STK32A: variants seen among roughly 807,000 people sequenced by gnomAD.
STK32A encodes the protein serine/threonine-protein kinase 32A.
In STK32A, 41 loss-of-function variants were observed where a neutral mutation model predicts 53.2. The ratio of observed to expected loss-of-function variants is 0.77; its 90% CI spans 0.60 to 1.00. The LOEUF (loss-of-function observed/expected upper bound fraction) is 1.00. Among genes scored for constraint, STK32A ranks in the 50% least tolerant of loss-of-function variants. The pLI is 0.00. For synonymous variants in STK32A, 166 were observed against 162.8 expected, an observed-to-expected ratio of 1.02 and a Z score of -0.15; for missense variants, 458 against 485.8, an observed-to-expected ratio of 0.94 and a Z score of 0.54.
intron 2 of STK32A, among the ~76,000 whole-genome samples, chr5:147,245,627 T>G (rs1255760972): frequency 1.3e-5 from 2 of 152,200 alleles, no homozygotes; most frequent in African/African-American, 4.8e-5. Context: ...TATCCAAGTT[T>G]ATACAAAGAA....
chr5:147,313,422 GTC>G (rs1463831495), intron 4 of STK32A, among the ~76,000 whole-genome samples: 1 of 152,160 alleles, frequency 6.6e-6, no homozygotes, highest in Non-Finnish European at 1.5e-5. Context: ...AGTGAGAAAT[GTC>G]TCTATTTCCT....
intron 2 of STK32A, among the ~76,000 whole-genome samples, chr5:147,252,169 TTCA>T (rs952458658): frequency 1.3e-5 from 2 of 152,164 alleles, no homozygotes; most frequent in Admixed American, 1.3e-4. Context: ...AACAATTTAT[TTCA>T]TCATCATTGT....
chr5:147,397,893 G>GGA, the STK32A span: 5 of 1,511,394 alleles, frequency 3.3e-6, no homozygotes, highest in Non-Finnish European at 3.6e-6. Flanking sequence ...TAGAGAAAGA[G>GGA]GAACGTACCT....
chr5:147,276,843 A>AT (rs1261328949), intron 2 of STK32A, among the ~76,000 whole-genome samples: 1 of 152,064 alleles, frequency 6.6e-6, no homozygotes, highest in East Asian at 1.9e-4. Context: ...AGTCAGTCCA[A>AT]TTTTTTTCTT....
At chr5:147,264,252 A>G (rs753316768) in intron 2 of STK32A, among the ~76,000 whole-genome samples, 12 of 152,216 alleles carry the variant, frequency 7.9e-5, no homozygotes, top group Non-Finnish European at 1.6e-4. Flanking sequence ...CTATCCTTAA[A>G]GAGGCATGAA....
intron 5 of STK32A, among the ~76,000 whole-genome samples, chr5:147,326,979 A>G (rs1209970858): frequency 1.3e-5 from 2 of 152,140 alleles, no homozygotes; most frequent in Non-Finnish European, 2.9e-5. Context: ...TCAGCCTCCC[A>G]AAACTCTGGG....
chr5:147,300,315 A>C (rs1210165402), intron 4 of STK32A, among the ~76,000 whole-genome samples: 1 of 152,192 alleles, frequency 6.6e-6, no homozygotes, highest in African/African-American at 2.4e-5. Context: ...CTCAAACCCA[A>C]GAATCCTGAC....
the STK32A span, among the ~76,000 whole-genome samples, chr5:147,397,482 A>G: frequency 7.9e-5 from 12 of 152,332 alleles, 1 homozygote; most frequent in East Asian, 7.7e-4. Flanking sequence ...TCTTTGAACA[A>G]AAATTTTCAA....
At chr5:147,275,752 T>C (rs1210425540) in intron 2 of STK32A, among the ~76,000 whole-genome samples, 1 of 152,188 alleles carries the variant, frequency 6.6e-6, no homozygotes, top group Non-Finnish European at 1.5e-5. Context: ...ATAAATGAGA[T>C]GAATTGCTCT....
chr5:147,343,345 A>C (rs1461426005), intron 6 of STK32A: 1 of 520,596 alleles, frequency 1.9e-6, no homozygotes, highest in East Asian at 4.0e-5. Flanking sequence ...GCTGGCCTTA[A>C]TATAACACGC....
chr5:147,348,739 G>C (rs1387656440), intron 6 of STK32A: 1 of 771,070 alleles, frequency 1.3e-6, no homozygotes, highest in Non-Finnish European at 2.4e-6. Context: ...AGTTTCAGGA[G>C]ACCGAAGCCC....
intron 5 of STK32A, 110 bp downstream of exon 5, chr5:147,324,181 C>A: frequency 1.8e-6 from 2 of 1,126,544 alleles, no homozygotes. Context: ...CCGTTTAATT[C>A]TTGAAACAGT....
At chr5:147,260,211 TC>T (rs1435089002) in intron 2 of STK32A, among the ~76,000 whole-genome samples, 1 of 54,432 alleles carries the variant, frequency 1.8e-5, no homozygotes, top group African/African-American at 8.6e-5. Flanking sequence ...CCTCTCTCTC[TC>T]CTCTCTCTCT....
Position 147,383,881 on chromosome 5 carries a change from C to A in STK32A, c.1098-9C>A. The A allele has an allele frequency of 6.8e-7, 1 of 1,462,150 alleles. No homozygotes were observed. Among genetic ancestry groups the A allele is most frequent in the African/African-American group, 1.5e-5 (1 of 65,598 alleles). The allele number at this position is 1,462,150 out of a possible 1,614,324, so 90.6% of individuals were successfully genotyped here. On this transcript the variant is annotated splice_polypyrimidine_tract_variant and intron_variant, in intron 12 of 12. Transcript: ENST00000397936. ...AATAAAACATCTTTTTTTTTCTTTT[C>A]TTTTTAAGAGTAAACAGGGACTTTA...
At chr5:147,337,850 T>G (rs1755212840) in intron 5 of STK32A, among the ~76,000 whole-genome samples, 1 of 152,176 alleles carries the variant, frequency 6.6e-6, no homozygotes, top group African/African-American at 2.4e-5. Flanking sequence ...GTGATAGATA[T>G]GCCAGTTTGG....
chr5:147,397,550 C>T, the STK32A span: 1 of 1,131,620 alleles, frequency 8.8e-7, no homozygotes, highest in Middle Eastern at 2.5e-4. Context: ...AAGACTGTCA[C>T]TGAATTTCTC....
At chr5:147,337,969 T>C (rs1755219696) in intron 5 of STK32A, among the ~76,000 whole-genome samples, 1 of 152,112 alleles carries the variant, frequency 6.6e-6, no homozygotes, top group Non-Finnish European at 1.5e-5. Context: ...ATGAAAAGAT[T>C]ATTGGAGGCA....
chr5:147,255,805 C>T (rs926730221), intron 2 of STK32A, among the ~76,000 whole-genome samples: 1 of 152,162 alleles, frequency 6.6e-6, no homozygotes, highest in African/African-American at 2.4e-5. Flanking sequence ...TGTAGTTTAT[C>T]CAATCTACAT....
intron 11 of STK32A, among the ~76,000 whole-genome samples, chr5:147,379,936 C>T (rs945859130): frequency 6.6e-6 from 1 of 152,090 alleles, no homozygotes; most frequent in Non-Finnish European, 1.5e-5. Flanking sequence ...CTCTTTATGG[C>T]TACTCCTGTT....
Sources: allele counts gnomAD v4.1 joint callset (sites outside exome capture counted in the v4.1 genomes callset), GRCh38; gene constraint gnomAD v4.1.1; transcripts MANE v1.5; gene names NCBI Gene and HGNC (gene_info 2026-07-23, HGNC 2026-07-21).